Variants in SPIDR observed in about 807,000 individuals in gnomAD.
SPIDR encodes the protein scaffold protein involved in DNA repair.
Under a neutral mutation model 104.6 loss-of-function variants are expected in SPIDR, and 93 were observed. The observed-to-expected ratio is 0.89, with a 90% CI of 0.75 to 1.06. SPIDR has a LOEUF of 1.06. SPIDR is among the 50% of genes least tolerant of loss of function. The probability of loss-of-function intolerance (pLI) is 0.00; values close to 1 mark genes in which losing one functional copy is unlikely to be tolerated. For synonymous variants in SPIDR, 431 were observed against 416.9 expected, an observed-to-expected ratio of 1.03 and a Z score of -0.41; for missense variants, 1,154 against 1,111.2, an observed-to-expected ratio of 1.04 and a Z score of -0.55.
intron 6 of SPIDR, among the ~76,000 whole-genome samples, chr8:47,402,857 G>C (rs1554664290): frequency 6.6e-6 from 1 of 152,312 alleles, no homozygotes; most frequent in South Asian, 2.1e-4. Context: ...ATTTTATGAG[G>C]CCAGCATCAT....
At chr8:47,675,320 G>C (rs2076285549) in intron 11 of SPIDR, among the ~76,000 whole-genome samples, 1 of 152,214 alleles carries the variant, frequency 6.6e-6, no homozygotes. Context: ...ACAGGCGTGA[G>C]CTACCACGCC....
intron 3 of SPIDR, among the ~76,000 whole-genome samples, chr8:47,286,599 A>T (rs1351980672): frequency 2.6e-5 from 4 of 152,146 alleles, no homozygotes; most frequent in Admixed American, 2.6e-4. Context: ...AAAAAATTAC[A>T]TGTACATACA....
At chr8:47,360,270 A>AAT in intron 5 of SPIDR, among the ~76,000 whole-genome samples, 1 of 150,658 alleles carries the variant, frequency 6.6e-6, no homozygotes, top group East Asian at 2.0e-4. Flanking sequence ...AAAAAAAAAA[A>AAT]AGAAATAGAG....
At chr8:47,284,459 A>G (rs1417813212) in intron 3 of SPIDR, among the ~76,000 whole-genome samples, 1 of 152,180 alleles carries the variant, frequency 6.6e-6, no homozygotes, top group Non-Finnish European at 1.5e-5. Context: ...GACCTATGCC[A>G]TAAGAACTAT....
At chr8:47,463,077 G>A (rs1444463467) in intron 8 of SPIDR, among the ~76,000 whole-genome samples, 2 of 152,094 alleles carry the variant, frequency 1.3e-5, no homozygotes, top group Non-Finnish European at 2.9e-5. Context: ...ACCTTCCAAT[G>A]GCCGGGCGCG....
intron 5 of SPIDR, among the ~76,000 whole-genome samples, chr8:47,339,441 A>T (rs1465527342): frequency 6.6e-6 from 1 of 152,174 alleles, no homozygotes; most frequent in Non-Finnish European, 1.5e-5. Flanking sequence ...TTTTTATGTA[A>T]TTAACCTATA....
chr8:47,669,631 C>G (rs1349705747), intron 10 of SPIDR, among the ~76,000 whole-genome samples: 1 of 152,180 alleles, frequency 6.6e-6, no homozygotes, highest in Non-Finnish European at 1.5e-5. Flanking sequence ...CCCTTCTCAA[C>G]ACAATCAAAA....
At chr8:47,349,453 T>G (rs1197825055) in intron 5 of SPIDR, among the ~76,000 whole-genome samples, 4 of 152,226 alleles carry the variant, frequency 2.6e-5, no homozygotes, top group African/African-American at 9.6e-5. Context: ...GCAGTGTGTC[T>G]GTTCTCAGAT....
rs544637761 is a variant in SPIDR at position 47,627,703 on chromosome 8, C to T, written c.1544+28507C>T. On this transcript the variant is annotated intron_variant, in intron 10 of 19. Transcript: ENST00000297423. ...TTCCTCCCCCCTCCCTGGCCCCCAG[C>T]ACCCCCATCGGTGCTCAGCGAGTCC... Among the ~76,000 whole-genome samples, 33 of 152,202 alleles carry T rather than the reference C, an allele frequency of 2.2e-4. 2 individuals are homozygous for T. The highest frequency in any genetic ancestry group is 1.5e-3 in the South Asian group (7 of 4,818).
Position 47,520,813 on chromosome 8 carries a change from A to G in SPIDR, c.1098-74998A>G, listed in dbSNP as rs571701602. On this transcript the variant is annotated intron_variant, in intron 8 of 19. Coordinates refer to ENST00000297423, the MANE Select transcript of SPIDR (RefSeq NM_001080394.4). ...CTTCCCAAAAGAACCCCATCTTGCC[A>G]TCCTATGATCTGTAGATGAAAGTAG... Among the ~76,000 whole-genome samples the G allele has an allele frequency of 2.6e-5, 4 of 152,326 alleles. No homozygotes were observed. In the East Asian group the frequency reaches 7.7e-4, roughly 29 times the overall value.
At chr8:47,642,135 G>A (rs939721109) in intron 10 of SPIDR, among the ~76,000 whole-genome samples, 6 of 152,058 alleles carry the variant, frequency 3.9e-5, no homozygotes, top group African/African-American at 1.4e-4. Context: ...TCAAGAATTC[G>A]ACATGTGGCT....
chr8:47,403,382 G>A (rs1265179009), intron 6 of SPIDR, among the ~76,000 whole-genome samples: 1 of 152,170 alleles, frequency 6.6e-6, no homozygotes, highest in Non-Finnish European at 1.5e-5. Flanking sequence ...AAGAAATAAA[G>A]GGTGTTCAGT....
At chr8:47,420,766 T>C (rs555735388) in intron 7 of SPIDR, among the ~76,000 whole-genome samples, 2 of 152,320 alleles carry the variant, frequency 1.3e-5, no homozygotes, top group South Asian at 2.1e-4. Flanking sequence ...TTATTCCTTT[T>C]CATGTTTAGT....
Position 47,396,635 on chromosome 8 carries a change from A to G in SPIDR, c.776+9A>G. ...AAGAAGAAGCTTTTAAGGTTAAATTATACCCTTTTAAATACTCTTTTTAAA... is the reference window on the plus strand; with the variant it reads ...AAGAAGAAGCTTTTAAGGTTAAATTGTACCCTTTTAAATACTCTTTTTAAA... On this transcript the variant is annotated intron_variant, in intron 6 of 19. Coordinates refer to ENST00000297423, the MANE Select transcript of SPIDR (RefSeq NM_001080394.4). 1 of 1,598,946 alleles carries G rather than the reference A, an allele frequency of 6.3e-7. No homozygotes were observed. The highest frequency in any genetic ancestry group is 8.5e-7 in the Non-Finnish European group (1 of 1,175,038).
intron 11 of SPIDR, among the ~76,000 whole-genome samples, chr8:47,675,717 G>A (rs1328544085): frequency 6.6e-6 from 1 of 152,198 alleles, no homozygotes; most frequent in Non-Finnish European, 1.5e-5. Flanking sequence ...TTAGGCTGAG[G>A]CATGAGAATT....
intron 8 of SPIDR, among the ~76,000 whole-genome samples, chr8:47,446,975 G>A (rs2070762220): frequency 6.6e-6 from 1 of 152,160 alleles, no homozygotes; most frequent in East Asian, 1.9e-4. Context: ...TGATTCATGG[G>A]AGGAGGTCAA....
intron 7 of SPIDR, among the ~76,000 whole-genome samples, chr8:47,423,203 C>G (rs1361235665): frequency 6.6e-6 from 1 of 151,028 alleles, no homozygotes; most frequent in Non-Finnish European, 1.5e-5. Flanking sequence ...GAGGCTGTTA[C>G]AGGAGAATCG....
intron 5 of SPIDR, among the ~76,000 whole-genome samples, chr8:47,365,824 A>G (rs991055163): frequency 6.6e-6 from 1 of 152,230 alleles, no homozygotes; most frequent in East Asian, 1.9e-4. Context: ...AGTAAAGATA[A>G]AGAGATTATA....
At chr8:47,703,436 A>C (rs1379680924) in intron 14 of SPIDR, among the ~76,000 whole-genome samples, 2 of 152,204 alleles carry the variant, frequency 1.3e-5, no homozygotes, top group African/African-American at 4.8e-5. Context: ...TTCCATCTGC[A>C]TCAGGGGTAG....
Sources: allele counts gnomAD v4.1 joint callset (sites outside exome capture counted in the v4.1 genomes callset), GRCh38; gene constraint gnomAD v4.1.1; transcripts MANE v1.5; gene names NCBI Gene and HGNC (gene_info 2026-07-23, HGNC 2026-07-21).